Variants in ALPL observed in about 807,000 individuals in gnomAD.
The protein encoded by ALPL is alkaline phosphatase, biomineralization associated, also known as alkaline phosphatase, tissue-nonspecific isozyme.
A neutral mutation model predicts 51.3 loss-of-function variants in ALPL; 42 were observed. The ratio of observed to expected loss-of-function variants is 0.82; its 90% CI spans 0.64 to 1.06. The LOEUF (loss-of-function observed/expected upper bound fraction) is 1.06. Ranked by LOEUF, ALPL falls within the 50% of genes least tolerant of loss-of-function variation. ALPL has a pLI of 0.00. For missense variants in ALPL, 589 were observed against 709.4 expected (o/e 0.83, Z 1.93); for synonymous variants, 279 against 296.4 (o/e 0.94, Z 0.60).
intron 8 of ALPL, among the ~76,000 whole-genome samples, chr1:21,570,894 C>T (rs185816283): frequency 5.3e-4 from 81 of 152,330 alleles, no homozygotes; most frequent in Admixed American, 1.7e-3. Context: ...TGCAGCTATC[C>T]GGGTTTTCTT....
chr1:21,577,270 C>T (rs1644750149), intron 11 of ALPL, 113 bp from the exon 12 acceptor site: 1 of 1,546,008 alleles, frequency 6.5e-7, no homozygotes, highest in Admixed American at 1.7e-5. Context: ...GCCTCCTTTT[C>T]CTCTTCTGTG....
At chr1:21,527,793 G>A (rs992332469) in intron 1 of ALPL, among the ~76,000 whole-genome samples, 4 of 151,526 alleles carry the variant, frequency 2.6e-5, no homozygotes, top group Admixed American at 6.6e-5. Flanking sequence ...GAAGTGATCC[G>A]TCCACCTCGG....
At chr1:21,509,049 C>G (rs945476362), upstream of ALPL, among the ~76,000 whole-genome samples, 7 of 151,988 alleles carry the variant, frequency 4.6e-5, no homozygotes, top group Non-Finnish European at 7.4e-5. The surrounding 1 kb of genome is among the most constrained non-coding windows in gnomAD (Gnocchi z 6.0). Context: ...AGACTCCCAC[C>G]AAGAGACGCA....
chr1:21,553,203 A>T (rs530744889), intron 1 of ALPL, among the ~76,000 whole-genome samples: 20 of 151,622 alleles, frequency 1.3e-4, no homozygotes, highest in South Asian at 4.2e-4. Context: ...ATATATATAT[A>T]TTTTTTAAAA....
chr1:21,518,102 A>G (rs1255883017), intron 1 of ALPL, among the ~76,000 whole-genome samples: 2 of 152,030 alleles, frequency 1.3e-5, no homozygotes, highest in Non-Finnish European at 2.9e-5. Flanking sequence ...GGCCCACCCC[A>G]GGTGTGGGGT....
chr1:21,537,858 C>T (rs1644130438), intron 1 of ALPL, among the ~76,000 whole-genome samples: 1 of 152,192 alleles, frequency 6.6e-6, no homozygotes, highest in Admixed American at 6.5e-5. Context: ...CACTGGAATT[C>T]GAAGACTGGG....
chr1:21,550,229 C>T (rs1440167556), intron 1 of ALPL, among the ~76,000 whole-genome samples: 2 of 152,158 alleles, frequency 1.3e-5, no homozygotes, highest in Non-Finnish European at 2.9e-5. Context: ...CGTCAGAACA[C>T]TCATTTTACA....
At position 21,560,752 on chromosome 1, in the gene ALPL, C is replaced by T. The variant is rs765061338; in HGVS notation, c.181+7C>T. 3 of 1,614,014 alleles carry T rather than the reference C, an allele frequency of 1.9e-6. No homozygotes were observed. Among genetic ancestry groups the T allele is most frequent in the South Asian group, 2.2e-5 (2 of 91,080 alleles). On this transcript the variant is annotated splice_region_variant and intron_variant, in intron 3 of 11. Coordinates refer to ENST00000374840, the MANE Select transcript of ALPL (RefSeq NM_000478.6). ...ATCATGTTCCTGGGAGATGGTGAGG[C>T]CCAGGGGCCTGTGGGAGGGGTGGAA... is the stretch of plus-strand genomic sequence containing the variant.
chr1:21,538,344 C>T (rs1396013675), intron 1 of ALPL, among the ~76,000 whole-genome samples: 1 of 152,194 alleles, frequency 6.6e-6, no homozygotes, highest in Non-Finnish European at 1.5e-5. Flanking sequence ...GGAGATCAAA[C>T]GCAAAAGCCA....
intron 6 of ALPL, 93 bp from the exon 7 acceptor site, chr1:21,568,011 A>G (rs1644590791): frequency 6.5e-7 from 1 of 1,549,310 alleles, no homozygotes; most frequent in Admixed American, 1.7e-5. Context: ...CACCATCTCC[A>G]GGGACTCCAG....
intron 1 of ALPL, among the ~76,000 whole-genome samples, chr1:21,533,811 T>G (rs773203728): frequency 2.6e-5 from 4 of 151,916 alleles, no homozygotes; most frequent in Admixed American, 6.6e-5. Flanking sequence ...TAATCCTGGC[T>G]ACTCGGGAGG....
chr1:21,540,545 A>G (rs151026348), intron 1 of ALPL, among the ~76,000 whole-genome samples: 261 of 152,298 alleles, frequency 1.7e-3, no homozygotes, highest in Middle Eastern at 6.8e-3. Context: ...TGGGGCATGT[A>G]GTGAGATGAG....
intron 3 of ALPL, 134 bp from the exon 4 acceptor site, chr1:21,560,963 C>T (rs1055953294): frequency 9.9e-7 from 1 of 1,007,986 alleles, no homozygotes; most frequent in Non-Finnish European, 1.5e-6. Flanking sequence ...TGCTCACTGA[C>T]ATTTACAGAG....
intron 1 of ALPL, among the ~76,000 whole-genome samples, chr1:21,538,972 A>G (rs1361926070): frequency 6.6e-6 from 1 of 152,250 alleles, no homozygotes; most frequent in Non-Finnish European, 1.5e-5. Flanking sequence ...ACCGTGGTGC[A>G]GATACAATGA....
intron 1 of ALPL, among the ~76,000 whole-genome samples, chr1:21,539,875 C>T (rs1644159014): frequency 6.6e-6 from 1 of 152,100 alleles, no homozygotes; most frequent in Non-Finnish European, 1.5e-5. Context: ...TCAGGATGGT[C>T]TCGATCTCCT....
intron 1 of ALPL, among the ~76,000 whole-genome samples, chr1:21,532,682 C>G (rs1183536142): frequency 6.6e-6 from 1 of 152,236 alleles, no homozygotes; most frequent in East Asian, 1.9e-4. Context: ...TTACAGCTCC[C>G]TGTTCTCCAG....
chr1:21,572,338 A>G (rs974801890), intron 8 of ALPL, among the ~76,000 whole-genome samples: 1 of 152,110 alleles, frequency 6.6e-6, no homozygotes, highest in South Asian at 2.1e-4. Context: ...GGCTGTTGGC[A>G]GGAGGCCTCA....
At chr1:21,533,838 G>A (rs1256347) in intron 1 of ALPL, among the ~76,000 whole-genome samples, 12,416 of 151,668 alleles carry the variant, frequency 0.082, 552 homozygotes, top group South Asian at 0.14. Flanking sequence ...CAGGAGAATC[G>A]CCTGAACCTC....
intron 1 of ALPL, among the ~76,000 whole-genome samples, chr1:21,516,784 A>G (rs1016099986): frequency 6.6e-6 from 1 of 152,244 alleles, no homozygotes; most frequent in African/African-American, 2.4e-5. Flanking sequence ...CAGCTTGTCC[A>G]AGCCCTTAAT....
Sources: gnomAD v4.1 joint callset for allele counts (sites outside exome capture counted in the v4.1 genomes callset) on GRCh38, gnomAD v4.1.1 for gene constraint, Gnocchi (gnomAD v3.1) non-coding constraint, MANE v1.5 for transcripts, NCBI Gene and HGNC (gene_info 2026-07-23, HGNC 2026-07-21) for gene names.